Variants in ASXL1 observed in about 807,000 individuals in gnomAD.
ASXL1 encodes the protein polycomb group protein ASXL1.
A neutral mutation model predicts 89.1 loss-of-function variants in ASXL1; 65 were observed. That is an observed-to-expected ratio of 0.73 (90% CI 0.60 to 0.90). ASXL1 has a LOEUF of 0.90. ASXL1 is among the 40% of genes least tolerant of loss of function. The pLI is 0.00. For synonymous variants in ASXL1, 739 were observed against 746.9 expected, an observed-to-expected ratio of 0.99 and a Z score of 0.17; for missense variants, 1,786 against 1,942.9, an observed-to-expected ratio of 0.92 and a Z score of 1.52.
At chr20:32,367,120 G>A (rs922245973) in intron 2 of ASXL1, among the ~76,000 whole-genome samples, 1 of 149,202 alleles carries the variant, frequency 6.7e-6, no homozygotes, top group Non-Finnish European at 1.5e-5. Context: ...GCCCATGCCT[G>A]TAATCCCAGC....
At chr20:32,426,406 G>A (rs994513990) in intron 4 of ASXL1, among the ~76,000 whole-genome samples, 1 of 151,962 alleles carries the variant, frequency 6.6e-6, no homozygotes. Flanking sequence ...CATGAGAGAA[G>A]AGAGATTAAA....
At chr20:32,393,831 T>C (rs1327171238) in intron 4 of ASXL1, among the ~76,000 whole-genome samples, 1 of 151,954 alleles carries the variant, frequency 6.6e-6, no homozygotes, top group Non-Finnish European at 1.5e-5. Context: ...GTGGTGTTTT[T>C]TTCGTTTTTG....
chr20:32,408,586 C>T (rs1285945555), intron 4 of ASXL1, among the ~76,000 whole-genome samples: 1 of 152,124 alleles, frequency 6.6e-6, no homozygotes, highest in African/African-American at 2.4e-5. Flanking sequence ...CAAGGTCTTG[C>T]TCTGTCGGCA....
chr20:32,405,831 AT>A (rs1160169052), intron 4 of ASXL1, among the ~76,000 whole-genome samples: 5 of 151,714 alleles, frequency 3.3e-5, no homozygotes, highest in African/African-American at 1.2e-4. Flanking sequence ...TTTTCCTATT[AT>A]TGATTATCTC....
At chr20:32,363,658 A>T (rs2048159542) in intron 1 of ASXL1, among the ~76,000 whole-genome samples, 1 of 152,242 alleles carries the variant, frequency 6.6e-6, no homozygotes, top group Admixed American at 6.5e-5. Context: ...TTGAAAAGAG[A>T]CATTTACCTC....
At chr20:32,423,980 A>G (rs901803469) in intron 4 of ASXL1, among the ~76,000 whole-genome samples, 1 of 152,168 alleles carries the variant, frequency 6.6e-6, no homozygotes, top group Non-Finnish European at 1.5e-5. Context: ...CTGAAAATGC[A>G]TGGCTTTAGA....
chr20:32,367,616 G>T, intron 2 of ASXL1, 111 bp from the exon 3 acceptor site: 2 of 757,814 alleles, frequency 2.6e-6, no homozygotes, highest in South Asian at 2.8e-5. Context: ...ACATTTATTT[G>T]ACTTGTACTT....
At chr20:32,379,685 GATTA>G (rs2048453752) in intron 4 of ASXL1, among the ~76,000 whole-genome samples, 1 of 151,394 alleles carries the variant, frequency 6.6e-6, no homozygotes, top group Non-Finnish European at 1.5e-5. Context: ...AATTAGCTGG[GATTA>G]CAGGCGGGCA....
chr20:32,395,428 A>G (rs1180261196), intron 4 of ASXL1, among the ~76,000 whole-genome samples: 1 of 151,992 alleles, frequency 6.6e-6, no homozygotes, highest in African/African-American at 2.4e-5. Flanking sequence ...TTTTTTGGTT[A>G]ATTTTTAAGA....
Position 32,437,756 on chromosome 20 carries a change from C to T in ASXL1, c.*418C>T, listed in dbSNP as rs2012015922. The T allele has an allele frequency of 1.0e-5, 3 of 294,078 alleles. No individual in the cohort carries two copies. The highest frequency in any genetic ancestry group is 1.9e-5 in the Non-Finnish European group (3 of 155,518). 18.2% of individuals were successfully genotyped at this position (294,078 alleles called of 1,614,324 possible). ...TACCCCCTCCCTGCCATCTTTTCTT[C>T]TGCTACTTTGGGGAGTTGATGGCCA... On this transcript the variant is annotated 3_prime_UTR_variant, in exon 13 of 13. Transcript: ENST00000375687.
intron 1 of ASXL1, among the ~76,000 whole-genome samples, chr20:32,365,711 T>C (rs966295454): frequency 6.6e-6 from 1 of 152,252 alleles, no homozygotes; most frequent in African/African-American, 2.4e-5. Flanking sequence ...TTATAGGTGA[T>C]GCTAACATAA....
Position 32,429,272 on chromosome 20 carries a change from G to C in ASXL1, c.472-66G>C. Reference sequence around the variant, plus strand: ...CAAGAGCGTGAGTAGAGATAGTGTCGCCAGGGAATGCTTTTGTGGCTCTGC... The same window carrying C: ...CAAGAGCGTGAGTAGAGATAGTGTCCCCAGGGAATGCTTTTGTGGCTCTGC... On this transcript the variant is annotated intron_variant, in intron 6 of 12. Coordinates refer to ENST00000375687, the MANE Select transcript of ASXL1 (RefSeq NM_015338.6). This position sits in a 1 kb window ranked among gnomAD's most constrained non-coding sequence, Gnocchi z 4.9. 6.8e-6 allele frequency: 10 copies of C among 1,481,078 alleles called. No homozygotes were observed. In the South Asian group the frequency reaches 1.0e-4, roughly 16 times the overall value. The allele number at this position is 1,481,078 out of a possible 1,614,324, so 91.7% of individuals were successfully genotyped here. A position where few individuals can be genotyped will look rare whatever the true frequency, so the allele number is the denominator to read the frequency against.
At position 32,399,136 on chromosome 20, in the gene ASXL1, G is replaced by A. The variant is rs2048824207; in HGVS notation, c.253-28992G>A. 2.0e-5 allele frequency among the ~76,000 whole-genome samples: 3 copies of A among 151,760 alleles called. No homozygotes were observed. In the South Asian group the frequency reaches 6.2e-4, roughly 32 times the overall value. On this transcript the variant is annotated intron_variant, in intron 4 of 12. Coordinates refer to ENST00000375687, the MANE Select transcript of ASXL1 (RefSeq NM_015338.6). The stretch of plus-strand genomic sequence containing the variant: ...TGAGGCAGGAGGATTGCTTGAACCC[G>A]GGAAGCGGAGTTTGCAGTTAGCCAA...
At chr20:32,368,267 A>G (rs562907747) in intron 3 of ASXL1, among the ~76,000 whole-genome samples, 1 of 152,316 alleles carries the variant, frequency 6.6e-6, no homozygotes, top group South Asian at 2.1e-4. Flanking sequence ...TTCTATTTAA[A>G]GATTCAGTAA....
chr20:32,397,900 C>G (rs1005784267), intron 4 of ASXL1, among the ~76,000 whole-genome samples: 1 of 152,218 alleles, frequency 6.6e-6, no homozygotes, highest in Non-Finnish European at 1.5e-5. Flanking sequence ...TGCATTTCAT[C>G]AGTTTTTCCA....
rs138180584 is a variant in ASXL1, at chr20:32,438,121, C to T, written c.*783C>T. On this transcript the variant is annotated 3_prime_UTR_variant, in exon 13 of 13. Transcript: ENST00000375687. ...GACATCCTCCCTGTCACTTTGGACC[C>T]TATGGGAGTGGGCATCTCCACGCAC... The T allele has an allele frequency of 1.0e-3, 241 of 233,486 alleles. 1 individual carries two copies. Among genetic ancestry groups the T allele is most frequent in the African/African-American group, 4.8e-3 (220 of 45,404 alleles). The allele number at this position is 233,486 out of a possible 1,614,324, so 14.5% of individuals were successfully genotyped here. A position where few individuals can be genotyped will look rare whatever the true frequency, so the allele number is the denominator to read the frequency against.
intron 6 of ASXL1, among the ~76,000 whole-genome samples, 172 bp downstream of exon 6, chr20:32,428,594 G>A (rs921231567): frequency 6.7e-6 from 1 of 149,230 alleles, no homozygotes; most frequent in African/African-American, 2.4e-5. Context: ...TGAACAGTAG[G>A]TTTGAGCAGA....
intron 12 of ASXL1, 157 bp from the exon 13 acceptor site, chr20:32,434,275 A>C: frequency 2.3e-4 from 204 of 885,310 alleles, no homozygotes; most frequent in Non-Finnish European, 3.3e-4. Flanking sequence ...ATGGTGTGTT[A>C]TGGCGCCATT....
chr20:32,437,116 T>C lies in ASXL1; in HGVS notation c.4404T>C (p.Ala1468=), dbSNP rs2011963553. 11 of 1,614,092 alleles carry C rather than the reference T, an allele frequency of 6.8e-6. No individual in the cohort carries two copies. In the South Asian group the frequency reaches 7.7e-5, roughly 11 times the overall value. Reference sequence around the variant, plus strand: ...CTCCCACCTTTCCCAAAGGCCTTGCTGGAAGTGTGGTGCAGCTGAGCCACA... The same window carrying C: ...CTCCCACCTTTCCCAAAGGCCTTGCCGGAAGTGTGGTGCAGCTGAGCCACA... ...SSSPTFPKGL[A]GSVVQLSHKA... is the part of the protein sequence containing the mutation. Residue 1468 remains alanine (A), a synonymous_variant, in exon 13 of 13, where the codon GCT becomes GCC. Coordinates refer to ENST00000375687, the MANE Select transcript of ASXL1 (RefSeq NM_015338.6).
Sources: gnomAD v4.1 joint callset for allele counts (sites outside exome capture counted in the v4.1 genomes callset) on GRCh38, gnomAD v4.1.1 for gene constraint, Gnocchi (gnomAD v3.1) non-coding constraint, MANE v1.5 for transcripts, NCBI Gene and HGNC (gene_info 2026-07-23, HGNC 2026-07-21) for gene names.